Variants in SORCS3 observed in about 807,000 individuals in gnomAD.
SORCS3 encodes the protein sortilin related VPS10 domain containing receptor 3, also known as VPS10 domain-containing receptor SorCS3.
Under a neutral mutation model 146.3 loss-of-function variants are expected in SORCS3, and 57 were observed. That is an observed-to-expected ratio of 0.39 (90% CI 0.31 to 0.49). SORCS3 has a LOEUF of 0.49. Among genes scored for constraint, SORCS3 ranks in the 20% least tolerant of loss-of-function variants. The pLI, the probability that SORCS3 is intolerant of heterozygous loss-of-function variation, is 0.92. For synonymous variants in SORCS3, 653 were observed against 618.5 expected (o/e 1.06, Z -0.83); for missense variants, 1,341 against 1,575.5 (o/e 0.85, Z 2.52).
intron 7 of SORCS3, among the ~76,000 whole-genome samples, chr10:105,111,745 C>A (rs901406070): frequency 1.3e-5 from 2 of 152,288 alleles, no homozygotes; most frequent in Non-Finnish European, 2.9e-5. Context: ...ATGATGAGAG[C>A]TGTATTAGTG....
At chr10:104,983,726 G>T (rs1171355374) in intron 4 of SORCS3, among the ~76,000 whole-genome samples, 1 of 151,740 alleles carries the variant, frequency 6.6e-6, no homozygotes, top group South Asian at 2.1e-4. Context: ...TCGTTTTCCA[G>T]TTGGACTCAG....
intron 1 of SORCS3, among the ~76,000 whole-genome samples, chr10:104,841,314 C>A (rs1384756958): frequency 3.9e-5 from 6 of 152,100 alleles, no homozygotes; most frequent in East Asian, 1.9e-4. Flanking sequence ...GTCTACTGTT[C>A]TACAAATAGC....
At chr10:104,888,926 A>G (rs1211755444) in intron 2 of SORCS3, among the ~76,000 whole-genome samples, 1 of 152,206 alleles carries the variant, frequency 6.6e-6, no homozygotes, top group Non-Finnish European at 1.5e-5. Flanking sequence ...ACCGTTGAAT[A>G]TTAGCCCTAC....
At chr10:104,795,480 A>G (rs1244675361) in intron 1 of SORCS3, among the ~76,000 whole-genome samples, 1 of 152,260 alleles carries the variant, frequency 6.6e-6, no homozygotes, top group Non-Finnish European at 1.5e-5. Context: ...CTTTATATGT[A>G]AAATGAATTT....
chr10:105,094,709 G>A (rs1366986977), intron 6 of SORCS3, among the ~76,000 whole-genome samples: 1 of 152,210 alleles, frequency 6.6e-6, no homozygotes, highest in East Asian at 1.9e-4. Context: ...ATGAGATTGA[G>A]ACTAATGACC....
chr10:105,192,710 G>A lies in SORCS3; in HGVS notation c.2010-7289G>A, dbSNP rs575877749. ...CCACTAATATAACTCCCAAAGCACT[G>A]TTTGTTCTTCCTTTTCGACGTTTTT... On this transcript the variant is annotated intron_variant, in intron 14 of 26. Transcript: ENST00000369701. Among the ~76,000 whole-genome samples the A allele has an allele frequency of 5.9e-5, 9 of 152,276 alleles. No individual in the cohort carries two copies. The South Asian group carries it at 1.5e-3, about 25-fold the overall frequency.
At chr10:104,782,905 C>T (rs938853166) in intron 1 of SORCS3, among the ~76,000 whole-genome samples, 1 of 152,158 alleles carries the variant, frequency 6.6e-6, no homozygotes, top group East Asian at 1.9e-4. Context: ...TCCAACCATA[C>T]TGAATGAGAA....
intron 16 of SORCS3, among the ~76,000 whole-genome samples, chr10:105,205,146 AG>A (rs2056595298): frequency 6.6e-6 from 1 of 152,184 alleles, no homozygotes; most frequent in Admixed American, 6.5e-5. Flanking sequence ...CAGAGACAGC[AG>A]AGAGAGGGTA....
chr10:105,068,360 T>G (rs939836257), intron 5 of SORCS3, among the ~76,000 whole-genome samples: 1 of 152,208 alleles, frequency 6.6e-6, no homozygotes, highest in Admixed American at 6.5e-5. Flanking sequence ...TCACACCCTC[T>G]TGGCCCCCTT....
At chr10:104,950,904 C>A (rs1345301879) in intron 3 of SORCS3, among the ~76,000 whole-genome samples, 4 of 152,176 alleles carry the variant, frequency 2.6e-5, no homozygotes, top group Non-Finnish European at 5.9e-5. Context: ...AGAGGCTGGC[C>A]TCTAAATATA....
At chr10:104,997,874 T>C (rs958455016) in intron 4 of SORCS3, among the ~76,000 whole-genome samples, 1 of 152,114 alleles carries the variant, frequency 6.6e-6, no homozygotes, top group African/African-American at 2.4e-5. Flanking sequence ...CTCCATCTGG[T>C]AGAATGGAAA....
intron 1 of SORCS3, among the ~76,000 whole-genome samples, chr10:104,687,469 A>G (rs2016058542): frequency 6.6e-6 from 1 of 152,206 alleles, no homozygotes; most frequent in Non-Finnish European, 1.5e-5. Context: ...CCCACATTCA[A>G]ATGCCTAGGA....
intron 3 of SORCS3, among the ~76,000 whole-genome samples, chr10:104,952,344 C>T (rs1415650714): frequency 6.9e-6 from 1 of 144,326 alleles, no homozygotes; most frequent in Non-Finnish European, 1.5e-5. Context: ...GCCCTTGCTA[C>T]TCAAAGTCTG....
chr10:104,744,600 C>A (rs1182069369), intron 1 of SORCS3, among the ~76,000 whole-genome samples: 1 of 152,170 alleles, frequency 6.6e-6, no homozygotes. Context: ...TAATAAGGGG[C>A]AGAACCAGAG....
intron 1 of SORCS3, among the ~76,000 whole-genome samples, chr10:104,717,787 G>T (rs1217481669): frequency 6.6e-6 from 1 of 152,140 alleles, no homozygotes; most frequent in African/African-American, 2.4e-5. Context: ...ATAAGTCTTA[G>T]TCCATTTGGG....
At chr10:104,904,783 G>A (rs890094738) in intron 2 of SORCS3, among the ~76,000 whole-genome samples, 18 of 121,352 alleles carry the variant, frequency 1.5e-4, no homozygotes, top group African/African-American at 4.9e-4. Flanking sequence ...TATCTTGTGC[G>A]TTATTATTTT....
chr10:105,259,884 A>T (rs1229848713), intron 25 of SORCS3, among the ~76,000 whole-genome samples: 1 of 152,256 alleles, frequency 6.6e-6, no homozygotes, highest in Admixed American at 6.5e-5. Flanking sequence ...GCCTATCCAT[A>T]TTACTCCTCT....
intron 22 of SORCS3, 68 bp downstream of exon 22, chr10:105,247,399 A>C (rs1190952907): frequency 1.2e-6 from 1 of 805,868 alleles, no homozygotes; most frequent in African/African-American, 1.7e-5. Context: ...GTGGTCCACA[A>C]TACATTGGCA....
At chr10:104,902,873 G>A (rs895074046) in intron 2 of SORCS3, among the ~76,000 whole-genome samples, 1 of 152,172 alleles carries the variant, frequency 6.6e-6, no homozygotes, top group South Asian at 2.1e-4. Context: ...TTGCTAGTAG[G>A]TAGGAGAGCA....
Sources: allele counts gnomAD v4.1 joint callset (sites outside exome capture counted in the v4.1 genomes callset), GRCh38; gene constraint gnomAD v4.1.1; transcripts MANE v1.5; gene names NCBI Gene and HGNC (gene_info 2026-07-23, HGNC 2026-07-21).